Variants in TRHDE observed in about 807,000 individuals in gnomAD.
TRHDE encodes thyrotropin releasing hormone degrading enzyme, also known as thyrotropin-releasing hormone-degrading ectoenzyme.
Under a neutral mutation model 125.7 loss-of-function variants are expected in TRHDE, and 72 were observed. The observed-to-expected ratio is 0.57, with a 90% CI of 0.47 to 0.70. The LOEUF (loss-of-function observed/expected upper bound fraction) is 0.70, where lower values mean the gene tolerates loss of function less well. TRHDE is among the 30% of genes least tolerant of loss of function. TRHDE has a pLI of 0.00. For missense variants in TRHDE, 1,110 were observed against 1,327.1 expected (o/e 0.84, Z 2.54); for synonymous variants, 509 against 509.1 (o/e 1.00, Z 0.00).
chr12:72,649,261 A>C (rs1874407132), intron 15 of TRHDE, among the ~76,000 whole-genome samples: 1 of 152,098 alleles, frequency 6.6e-6, no homozygotes, highest in African/African-American at 2.4e-5. Context: ...CTGTTCTTCA[A>C]CAATGGTGAC....
intron 1 of TRHDE, among the ~76,000 whole-genome samples, chr12:72,093,955 T>C (rs905955835): frequency 4.6e-5 from 7 of 152,182 alleles, no homozygotes; most frequent in African/African-American, 1.4e-4. Flanking sequence ...TCTTTTCCAG[T>C]TTTACAGACT....
intron 15 of TRHDE, among the ~76,000 whole-genome samples, chr12:72,643,198 A>G (rs1874139847): frequency 6.6e-6 from 1 of 152,162 alleles, no homozygotes; most frequent in Non-Finnish European, 1.5e-5. Flanking sequence ...AAACCTATGC[A>G]ATTGTACCTA....
chr12:72,131,044 T>C (rs1875847280), intron 2 of TRHDE, among the ~76,000 whole-genome samples: 1 of 151,848 alleles, frequency 6.6e-6, no homozygotes, highest in South Asian at 2.1e-4. Flanking sequence ...TGTTTCTATA[T>C]TTCTTGTACT....
At chr12:72,374,292 A>AGGGTGTGTGT (rs375776329) in intron 2 of TRHDE, among the ~76,000 whole-genome samples, 1 of 134,018 alleles carries the variant, frequency 7.5e-6, no homozygotes, top group African/African-American at 2.9e-5. Flanking sequence ...TAGAAGGAGA[A>AGGGTGTGTGT]GTGTGTGTGT....
rs564138665 is a variant in TRHDE at position 72,556,211 on chromosome 12, C to G, written c.1789-5954C>G. 2.2e-3 allele frequency among the ~76,000 whole-genome samples: 336 copies of G among 152,238 alleles called. 2 individuals carry two copies. The highest frequency in any genetic ancestry group is 7.6e-3 in the African/African-American group (314 of 41,524). ...TAGGCAATAGTTTAATTTCTTACTA[C>G]GGGTTGCCAAGATAATGTAGAAGTG... is the stretch of plus-strand genomic sequence containing the variant. On this transcript the variant is annotated intron_variant, in intron 7 of 18. Transcript: ENST00000261180.
intron 12 of TRHDE, among the ~76,000 whole-genome samples, chr12:72,576,020 G>A (rs762060884): frequency 2.0e-5 from 3 of 151,996 alleles, no homozygotes; most frequent in Non-Finnish European, 4.4e-5. Flanking sequence ...TATCAATCTT[G>A]TAGAAGACTT....
At chr12:72,175,015 A>T (rs1290329723) in intron 2 of TRHDE, among the ~76,000 whole-genome samples, 1 of 152,160 alleles carries the variant, frequency 6.6e-6, no homozygotes, top group East Asian at 1.9e-4. Context: ...ACAACCTGAG[A>T]TCTACTCTTT....
intron 12 of TRHDE, among the ~76,000 whole-genome samples, chr12:72,612,369 T>A (rs1265115336): frequency 6.6e-6 from 1 of 152,160 alleles, no homozygotes; most frequent in Admixed American, 6.6e-5. Flanking sequence ...TTAAGTCTAA[T>A]GTGATAAATT....
At chr12:72,133,661 T>C (rs1232859732) in intron 2 of TRHDE, among the ~76,000 whole-genome samples, 1 of 152,212 alleles carries the variant, frequency 6.6e-6, no homozygotes, top group African/African-American at 2.4e-5. Context: ...GGTCCATCAC[T>C]GGGCCACTAG....
intron 2 of TRHDE, among the ~76,000 whole-genome samples, chr12:72,251,511 A>G (rs1878683145): frequency 6.7e-6 from 1 of 149,654 alleles, no homozygotes; most frequent in African/African-American, 2.5e-5. Flanking sequence ...TTTATTGCTG[A>G]GTTCTACTTC....
At chr12:72,462,419 A>C (rs1446906551) in intron 3 of TRHDE, among the ~76,000 whole-genome samples, 5 of 152,146 alleles carry the variant, frequency 3.3e-5, no homozygotes, top group Admixed American at 2.6e-4. Context: ...GAAACCATGG[A>C]ATTCATGACC....
rs149003506 is a variant in TRHDE at position 72,198,460 on chromosome 12, C to A, written n.279+92708C>A. On this transcript the variant is annotated intron_variant and non_coding_transcript_variant, in intron 2 of 4. Transcript: ENST00000548156. ...CCTCAGTATCTAGAACAATTTTTGG[C>A]CCACAGCAAGCACTCAATATATATT... Among the ~76,000 whole-genome samples the A allele has an allele frequency of 3.3e-5, 5 of 152,156 alleles. No individual in the cohort carries two copies. In the East Asian group the frequency reaches 7.7e-4, roughly 24 times the overall value.
At chr12:72,430,413 GCA>G (rs1340264124) in intron 3 of TRHDE, among the ~76,000 whole-genome samples, 3 of 137,048 alleles carry the variant, frequency 2.2e-5, no homozygotes, top group African/African-American at 8.4e-5. Context: ...ATATATATGT[GCA>G]TATATATACA....
chr12:72,270,121 T>C (rs1359415323), upstream of TRHDE, among the ~76,000 whole-genome samples: 8 of 152,152 alleles, frequency 5.3e-5, no homozygotes, highest in Non-Finnish European at 8.8e-5. Flanking sequence ...CCTGATTCTG[T>C]GAAAACAAAC....
chr12:72,172,395 T>G (rs1876893090), intron 2 of TRHDE, among the ~76,000 whole-genome samples: 1 of 152,216 alleles, frequency 6.6e-6, no homozygotes, highest in Non-Finnish European at 1.5e-5. Flanking sequence ...AGTAAGCATT[T>G]TTTAATTTTC....
intron 10 of TRHDE, among the ~76,000 whole-genome samples, chr12:72,571,456 T>C (rs573602098): frequency 6.6e-6 from 1 of 152,326 alleles, no homozygotes; most frequent in African/African-American, 2.4e-5. Context: ...TCCTATATTC[T>C]TGTCAGTTCA....
At chr12:72,214,059 CA>C (rs1352287738) in intron 2 of TRHDE, among the ~76,000 whole-genome samples, 4 of 152,058 alleles carry the variant, frequency 2.6e-5, no homozygotes, top group African/African-American at 9.7e-5. Flanking sequence ...ACATTTTACT[CA>C]ATGAAGATCA....
At chr12:72,362,543 GC>G (rs1405052327) in intron 2 of TRHDE, among the ~76,000 whole-genome samples, 18 of 151,312 alleles carry the variant, frequency 1.2e-4, no homozygotes, top group South Asian at 6.3e-4. Flanking sequence ...AGTTTCTTTT[GC>G]TGTGCAGAAG....
chr12:72,301,284 T>A (rs1436764521), intron 2 of TRHDE, among the ~76,000 whole-genome samples: 2 of 152,146 alleles, frequency 1.3e-5, no homozygotes, highest in Admixed American at 1.3e-4. Context: ...TTTGTCTAAA[T>A]GGGAGAGTGG....
Sources: gnomAD v4.1 joint callset for allele counts (sites outside exome capture counted in the v4.1 genomes callset) on GRCh38, gnomAD v4.1.1 for gene constraint, MANE v1.5 for transcripts, NCBI Gene and HGNC (gene_info 2026-07-23, HGNC 2026-07-21) for gene names.